Variants in NTN1 observed in about 807,000 individuals in gnomAD.
NTN1 encodes the protein netrin-1.
Under a neutral mutation model 54.2 loss-of-function variants are expected in NTN1, and 11 were observed. The observed-to-expected ratio is 0.20, with a 90% CI of 0.13 to 0.34. The LOEUF is 0.34. Ranked by LOEUF, NTN1 falls within the 10% of genes least tolerant of loss-of-function variation. NTN1 has a pLI of 1.00. For synonymous variants in NTN1, 371 were observed against 382.0 expected, an observed-to-expected ratio of 0.97 and a Z score of 0.33; for missense variants, 740 against 893.1, an observed-to-expected ratio of 0.83 and a Z score of 2.18.
At chr17:9,186,133 C>T (rs1452792853) in intron 5 of NTN1, among the ~76,000 whole-genome samples, 1 of 152,138 alleles carries the variant, frequency 6.6e-6, no homozygotes, top group African/African-American at 2.4e-5. Context: ...TAGCAACTGC[C>T]TGGGGCAGGA....
intron 5 of NTN1, among the ~76,000 whole-genome samples, chr17:9,192,183 CA>C (rs1200855688): frequency 1.3e-5 from 2 of 152,054 alleles, no homozygotes; most frequent in African/African-American, 4.8e-5. Flanking sequence ...GGAATTTAGC[CA>C]AAGGAAATAG....
intron 2 of NTN1, among the ~76,000 whole-genome samples, chr17:9,155,021 CGTTACA>C (rs2092337364): frequency 6.6e-6 from 1 of 152,194 alleles, no homozygotes; most frequent in Non-Finnish European, 1.5e-5. Context: ...ACCATATGCA[CGTTACA>C]GTTGGGGCAG....
chr17:9,040,564 C>A (rs2091918208), intron 2 of NTN1, among the ~76,000 whole-genome samples: 1 of 152,138 alleles, frequency 6.6e-6, no homozygotes, highest in Non-Finnish European at 1.5e-5. Flanking sequence ...CCCTTCTTTT[C>A]CAATACTTGT....
At chr17:9,022,254 C>G in intron 1 of NTN1, 57 bp from the exon 2 acceptor site, 1 of 1,137,364 alleles carries the variant, frequency 8.8e-7, no homozygotes, top group Non-Finnish European at 1.1e-6. Context: ...CGCCACCCCG[C>G]CGAGAGCTGG....
intron 5 of NTN1, among the ~76,000 whole-genome samples, chr17:9,204,272 CTCTCTT>C (rs1381996228): frequency 7.0e-6 from 1 of 141,960 alleles, no homozygotes; most frequent in Admixed American, 7.1e-5. Flanking sequence ...CTCCTTCTCT[CTCTCTT>C]TCTCTATCTC....
At chr17:9,101,972 G>A (rs1301302932) in intron 2 of NTN1, among the ~76,000 whole-genome samples, 4 of 152,136 alleles carry the variant, frequency 2.6e-5, no homozygotes, top group African/African-American at 9.7e-5. Context: ...CGCCAGCCTG[G>A]GCAACGAGAG....
chr17:9,045,160 T>A (rs1490642335), intron 2 of NTN1, among the ~76,000 whole-genome samples: 4 of 152,222 alleles, frequency 2.6e-5, no homozygotes, highest in Non-Finnish European at 4.4e-5. Flanking sequence ...GAATGATTCC[T>A]AGCCTGAAGC....
chr17:9,218,284 G>C (rs1757056032), intron 5 of NTN1, among the ~76,000 whole-genome samples: 1 of 152,232 alleles, frequency 6.6e-6, no homozygotes, highest in African/African-American at 2.4e-5. Flanking sequence ...GAGCTGGTGA[G>C]TCACCAATGT....
intron 2 of NTN1, among the ~76,000 whole-genome samples, chr17:9,042,053 A>T (rs944173689): frequency 1.5e-4 from 23 of 151,404 alleles, no homozygotes; most frequent in African/African-American, 5.6e-4. Context: ...TAACTTTTTG[A>T]GGAATGCCAG....
chr17:9,095,501 C>T (rs988830331), intron 2 of NTN1, among the ~76,000 whole-genome samples: 2 of 152,232 alleles, frequency 1.3e-5, no homozygotes, highest in Middle Eastern at 3.2e-3. Flanking sequence ...CTAACGCATT[C>T]GAAATGCTCC....
chr17:9,195,653 G>A (rs1904612562), intron 5 of NTN1, among the ~76,000 whole-genome samples: 1 of 152,166 alleles, frequency 6.6e-6, no homozygotes, highest in Non-Finnish European at 1.5e-5. Flanking sequence ...TCCTGTACAG[G>A]TCCTGGGCTG....
intron 2 of NTN1, among the ~76,000 whole-genome samples, chr17:9,089,307 C>T (rs572661625): frequency 1.1e-4 from 16 of 151,712 alleles, no homozygotes; most frequent in African/African-American, 3.1e-4. Flanking sequence ...CCCAGCTACT[C>T]GGGAGGCTGA....
intron 2 of NTN1, among the ~76,000 whole-genome samples, chr17:9,068,526 T>C (rs2092022634): frequency 6.6e-6 from 1 of 151,522 alleles, no homozygotes; most frequent in Non-Finnish European, 1.5e-5. Context: ...TTTTTTTTTT[T>C]TGAGATGGAG....
intron 2 of NTN1, among the ~76,000 whole-genome samples, chr17:9,106,016 G>A (rs978283099): frequency 1.3e-5 from 2 of 152,110 alleles, no homozygotes; most frequent in African/African-American, 2.4e-5. Context: ...AACCAGCAGC[G>A]TCAACAATAT....
At chr17:9,114,658 C>T (rs1433472449) in intron 2 of NTN1, among the ~76,000 whole-genome samples, 1 of 152,054 alleles carries the variant, frequency 6.6e-6, no homozygotes, top group Non-Finnish European at 1.5e-5. Flanking sequence ...GAGGCTAAGG[C>T]ACGGAGAATC....
chr17:9,114,164 A>ATATATATATATAT (rs1404097905), intron 2 of NTN1, among the ~76,000 whole-genome samples: 9 of 80,480 alleles, frequency 1.1e-4, no homozygotes, highest in Non-Finnish European at 1.7e-4. Context: ...AAAAAAAAAA[A>ATATATATATATAT]AAATATATAT....
rs1465989048 is a variant in NTN1, at chr17:9,225,260, A to T, written c.1486+4018A>T. ...ACAGAGTGAGACTCTGTCTCAAAAA[A>T]AAAAATAAATAAAAAGTTGGGGAGT... is the stretch of plus-strand genomic sequence containing the variant. On this transcript the variant is annotated intron_variant, in intron 6 of 6. Coordinates refer to ENST00000173229, the MANE Select transcript of NTN1 (RefSeq NM_004822.3). Among the ~76,000 whole-genome samples the T allele has an allele frequency of 5.7e-5, 8 of 141,054 alleles. No individual in the cohort carries two copies. In the East Asian group the frequency reaches 1.6e-3, roughly 27 times the overall value. 92.5% of individuals were successfully genotyped at this position (141,054 alleles called of 152,430 possible). A position where few individuals can be genotyped will look rare whatever the true frequency, so the allele number is the denominator to read the frequency against.
intron 2 of NTN1, among the ~76,000 whole-genome samples, chr17:9,048,605 A>G (rs1378967904): frequency 2.6e-5 from 4 of 152,104 alleles, no homozygotes; most frequent in African/African-American, 9.7e-5. Flanking sequence ...TCTTCGTCCA[A>G]TAGAAAGCTG....
chr17:9,227,237 C>A (rs919068750), intron 6 of NTN1, among the ~76,000 whole-genome samples: 3 of 141,298 alleles, frequency 2.1e-5, no homozygotes, highest in Non-Finnish European at 4.6e-5. Context: ...ATCACATACA[C>A]CATCACACAC....
Sources: gnomAD v4.1 joint callset for allele counts (sites outside exome capture counted in the v4.1 genomes callset) on GRCh38, gnomAD v4.1.1 for gene constraint, MANE v1.5 for transcripts, NCBI Gene and HGNC (gene_info 2026-07-23, HGNC 2026-07-21) for gene names.